PREX2: variants seen among roughly 807,000 people sequenced by gnomAD.
PREX2 encodes phosphatidylinositol 3,4,5-trisphosphate-dependent Rac exchanger 2 protein.
PREX2 carries 107 observed loss-of-function variants against 203.2 expected under a neutral mutation model. The observed-to-expected ratio is 0.53, with a 90% CI of 0.45 to 0.62. The LOEUF (loss-of-function observed/expected upper bound fraction) is 0.62, where lower values mean the gene tolerates loss of function less well. PREX2 is among the 20% of genes least tolerant of loss of function. The pLI is 0.00. For missense variants in PREX2, 1,777 were observed against 1,955.9 expected (o/e 0.91, Z 1.72); for synonymous variants, 672 against 663.6 (o/e 1.01, Z -0.19).
chr8:68,034,855 G>A (rs1056960664), intron 6 of PREX2, among the ~76,000 whole-genome samples: 3 of 152,144 alleles, frequency 2.0e-5, no homozygotes, highest in East Asian at 1.9e-4. Flanking sequence ...TCCTCTGTAC[G>A]AGGTGATTTG....
chr8:67,992,614 A>G (rs1040592720), intron 1 of PREX2, among the ~76,000 whole-genome samples: 1 of 152,212 alleles, frequency 6.6e-6, no homozygotes, highest in Non-Finnish European at 1.5e-5. Context: ...TACAGCATAC[A>G]GTGGTTTAGG....
chr8:68,058,587 C>T (rs1458006139), intron 10 of PREX2, among the ~76,000 whole-genome samples: 3 of 145,632 alleles, frequency 2.1e-5, no homozygotes, highest in Non-Finnish European at 4.6e-5. Flanking sequence ...GTGCATGCCA[C>T]CACACCCGGC....
At chr8:68,217,758 C>T (rs1202961805) in intron 38 of PREX2, 40 bp downstream of exon 38, 4 of 1,430,080 alleles carry the variant, frequency 2.8e-6, no homozygotes, top group East Asian at 2.3e-5. Context: ...GTTTTGTAGG[C>T]CCTGGACTTG....
At chr8:68,087,086 C>T (rs1202120283) in intron 18 of PREX2, among the ~76,000 whole-genome samples, 1 of 152,132 alleles carries the variant, frequency 6.6e-6, no homozygotes, top group Admixed American at 6.5e-5. Flanking sequence ...TAGCACAGTA[C>T]AGGGCAACTT....
At chr8:68,199,786 C>A (rs1812467576) in intron 37 of PREX2, among the ~76,000 whole-genome samples, 1 of 152,140 alleles carries the variant, frequency 6.6e-6, no homozygotes, top group Admixed American at 6.5e-5. Flanking sequence ...TCTGTCATTA[C>A]CCTGACATCA....
At chr8:67,952,647 C>A (rs1805386933) in intron 1 of PREX2, 112 bp downstream of exon 1, 2 of 1,434,318 alleles carry the variant, frequency 1.4e-6, no homozygotes, top group South Asian at 2.5e-5. Context: ...CGGGACGGGT[C>A]GGGGCATCAC....
At chr8:68,096,948 C>CA (rs1193776495) in intron 21 of PREX2, 69 bp from the exon 22 acceptor site, 13 of 1,307,760 alleles carry the variant, frequency 9.9e-6, no homozygotes, top group Non-Finnish European at 1.4e-5. Flanking sequence ...TTTAAAGAGA[C>CA]ACAAAATTAT....
In PREX2 at chr8:67,952,292, G is replaced by A. The variant is rs141523436; in HGVS notation, c.-103G>A. Reference sequence around the variant, plus strand: ...TCTGTCTCTCCTCGGAGTTGGCGGAGGCGGCAACTTTCCATTCTCGCCGCC... The same window carrying A: ...TCTGTCTCTCCTCGGAGTTGGCGGAAGCGGCAACTTTCCATTCTCGCCGCC... On this transcript the variant is annotated 5_prime_UTR_variant, in exon 1 of 40. Transcript: ENST00000288368. 45,518 of 989,918 alleles carry A rather than the reference G, an allele frequency of 0.046. 1,244 individuals carry two copies. The highest frequency in any genetic ancestry group is 0.074 in the Middle Eastern group (212 of 2,858). 61.3% of individuals were successfully genotyped at this position (989,918 alleles called of 1,614,324 possible). A position where few individuals can be genotyped will look rare whatever the true frequency, so the allele number is the denominator to read the frequency against.
chr8:68,147,529 A>T (rs1163211105), intron 34 of PREX2, among the ~76,000 whole-genome samples: 1 of 152,122 alleles, frequency 6.6e-6, no homozygotes, highest in Non-Finnish European at 1.5e-5. Flanking sequence ...ACCATGTGAG[A>T]CTTGCCCTTC....
intron 13 of PREX2, among the ~76,000 whole-genome samples, chr8:68,071,283 G>A (rs952269862): frequency 6.6e-6 from 1 of 152,154 alleles, no homozygotes; most frequent in Admixed American, 6.6e-5. Flanking sequence ...AGGAATGTAT[G>A]ATAGTCAGGC....
rs546218468 is a variant in PREX2 at position 68,166,925 on chromosome 8, C to T, written c.4346+9489C>T. On this transcript the variant is annotated intron_variant, in intron 35 of 39. Coordinates refer to ENST00000288368, the MANE Select transcript of PREX2 (RefSeq NM_024870.4). ...GTGATCATACAGTGCAGCACTCCAG[C>T]CTGGGTGACAGAGAAAAAAAATCAA... Among the ~76,000 whole-genome samples the T allele has an allele frequency of 5.9e-5, 9 of 152,082 alleles. No individual in the cohort carries two copies. The East Asian group carries it at 1.7e-3, about 29-fold the overall frequency.
intron 30 of PREX2, among the ~76,000 whole-genome samples, chr8:68,123,587 A>G (rs575553240): frequency 6.6e-6 from 1 of 152,040 alleles, no homozygotes; most frequent in Admixed American, 6.6e-5. Context: ...ACACATAACT[A>G]TCATGTTATG....
intron 35 of PREX2, among the ~76,000 whole-genome samples, chr8:68,169,716 A>G (rs1811837109): frequency 6.6e-6 from 1 of 152,204 alleles, no homozygotes; most frequent in Admixed American, 6.5e-5. Context: ...ACACTGTATT[A>G]GGCCATCTGA....
At chr8:68,203,001 C>T (rs1041334995) in intron 37 of PREX2, among the ~76,000 whole-genome samples, 4 of 152,196 alleles carry the variant, frequency 2.6e-5, no homozygotes, top group Non-Finnish European at 5.9e-5. Flanking sequence ...CCCCAGCCAA[C>T]AGCACAGTGC....
At chr8:68,105,668 ATATATATATGGAT>A in intron 23 of PREX2, 3 of 438,198 alleles carry the variant, frequency 6.8e-6, no homozygotes, top group Non-Finnish European at 7.5e-6. Flanking sequence ...ATGACAGACC[ATATATATATGGAT>A]TATATATATA....
At chr8:68,193,190 C>A (rs1046134016) in intron 37 of PREX2, among the ~76,000 whole-genome samples, 6 of 152,188 alleles carry the variant, frequency 3.9e-5, no homozygotes, top group African/African-American at 1.2e-4. Context: ...TAATCATATG[C>A]TTTCGCCTCT....
At chr8:68,049,363 A>G (rs1280940846) in intron 8 of PREX2, among the ~76,000 whole-genome samples, 1 of 152,052 alleles carries the variant, frequency 6.6e-6, no homozygotes, top group African/African-American at 2.4e-5. Context: ...TCAGTAATAT[A>G]GTCTGGCAAT....
At chr8:68,032,076 G>T (rs1807901256) in intron 6 of PREX2, among the ~76,000 whole-genome samples, 1 of 152,124 alleles carries the variant, frequency 6.6e-6, no homozygotes, top group Non-Finnish European at 1.5e-5. Context: ...GTATACACCA[G>T]TTACTCAAAG....
chr8:68,089,274 C>T (rs1370323892), intron 19 of PREX2, among the ~76,000 whole-genome samples: 2 of 152,182 alleles, frequency 1.3e-5, no homozygotes, highest in East Asian at 1.9e-4. Context: ...CTACTGGGCC[C>T]GTATTACTAC....
Sources: allele counts gnomAD v4.1 joint callset (sites outside exome capture counted in the v4.1 genomes callset), GRCh38; gene constraint gnomAD v4.1.1; transcripts MANE v1.5; gene names NCBI Gene and HGNC (gene_info 2026-07-23, HGNC 2026-07-21).